Variants in FAM120C observed in about 807,000 individuals in gnomAD.
FAM120C encodes the protein family with sequence similarity 120 member C.
A neutral mutation model predicts 71.2 loss-of-function variants in FAM120C; 14 were observed. The ratio of observed to expected loss-of-function variants is 0.20; its 90% CI spans 0.13 to 0.31. The LOEUF (loss-of-function observed/expected upper bound fraction) is 0.31, where lower values mean the gene tolerates loss of function less well. FAM120C is among the 10% of genes least tolerant of loss of function. The pLI is 1.00. For synonymous variants in FAM120C, 354 were observed against 353.2 expected, an observed-to-expected ratio of 1.00 and a Z score of -0.03; for missense variants, 500 against 879.0, an observed-to-expected ratio of 0.57 and a Z score of 5.45.
intron 1 of FAM120C, chrX:54,173,963 C>T (rs1306369410): frequency 9.2e-6 from 4 of 433,292 alleles, no homozygotes. Context: ...CATCTCAAGG[C>T]TTGCCTGGGG....
chrX:54,085,726 C>T lies in FAM120C; in HGVS notation c.2828G>A (p.Arg943Gln), dbSNP rs1392865764. 5.0e-6 allele frequency: 6 copies of T among 1,208,872 alleles called. No homozygotes were observed. Among genetic ancestry groups the T allele is most frequent in the African/African-American group, 3.5e-5 (2 of 57,166 alleles). Residue 943 changes from arginine (R) to glutamine (Q), a missense_variant, in exon 13 of 16, where the codon CGG (arginine) becomes CAG (glutamine). This residue lies in a region of FAM120C where 34 missense variants were observed against 45.2 expected (regional missense o/e 0.75). Coordinates refer to ENST00000375180, the MANE Select transcript of FAM120C (RefSeq NM_017848.6). The stretch of plus-strand genomic sequence containing the variant: ...TCTTTGGTACTGACCTGCAAATCCC[C>T]GGCTCCTCCCTTGAGGGGGAAGTGG... ...SMPLPPQGRS[R>Q]GFAGLHPIPP...
chrX:54,099,268 G>A (rs1359942230), intron 10 of FAM120C, among the ~76,000 whole-genome samples: 1 of 110,584 alleles, frequency 9.0e-6, no homozygotes. Flanking sequence ...TTCACACCTC[G>A]GCCACCCAAG....
chrX:54,176,432 C>CAA (rs1197918401), intron 1 of FAM120C, among the ~76,000 whole-genome samples: 76 of 36,283 alleles, frequency 2.1e-3, no homozygotes, highest in African/African-American at 6.0e-3. Flanking sequence ...GACTCTGTCT[C>CAA]AAAAAAAAAA....
chrX:54,167,088 G>T (rs782056563), intron 1 of FAM120C, among the ~76,000 whole-genome samples: 11 of 112,082 alleles, frequency 9.8e-5, no homozygotes, highest in African/African-American at 2.9e-4. Context: ...CTAGGGTCAG[G>T]CTGGAAATCT....
At position 54,178,395 on chromosome X, in the gene FAM120C, C is replaced by T. The variant is rs782089379; in HGVS notation, c.699+4105G>A. Among the ~76,000 whole-genome samples the T allele has an allele frequency of 6.3e-5, 7 of 111,646 alleles. No individual in the cohort carries two copies. The Admixed American group carries it at 6.7e-4, about 11-fold the overall frequency. On this transcript the variant is annotated intron_variant, in intron 1 of 15. Transcript: ENST00000375180. ...ATATTGTCTAGCCAATAACAGTGTA[C>T]GATCATACACAAGAATGTATAAAAT...
chrX:54,164,301 T>A (rs1376781310), intron 1 of FAM120C, among the ~76,000 whole-genome samples: 1 of 112,362 alleles, frequency 8.9e-6, no homozygotes, highest in East Asian at 2.8e-4. Context: ...TGACTATTTT[T>A]AAGTGTACAG....
At chrX:54,082,699 G>A (rs1482863077) in intron 13 of FAM120C, among the ~76,000 whole-genome samples, 1 of 110,964 alleles carries the variant, frequency 9.0e-6, no homozygotes, top group Non-Finnish European at 1.9e-5. Flanking sequence ...ATGAGCCACC[G>A]TGCCCGGTCC....
chrX:54,136,611 T>G (rs782006216), intron 4 of FAM120C, 21 bp from the exon 5 acceptor site: 2 of 1,058,152 alleles, frequency 1.9e-6, no homozygotes, highest in South Asian at 4.1e-5. Context: ...GAACATCAGA[T>G]TTTCAGAAGA....
In FAM120C at chrX:54,160,634, T is replaced by C. The variant is rs150159154; in HGVS notation, c.700-1018A>G. Among the ~76,000 whole-genome samples, 100 of 111,916 alleles carry C rather than the reference T, an allele frequency of 8.9e-4. No individual in the cohort carries two copies. In the Middle Eastern group the frequency reaches 0.014, roughly 15 times the overall value. On this transcript the variant is annotated intron_variant, in intron 1 of 15. Coordinates refer to ENST00000375180, the MANE Select transcript of FAM120C (RefSeq NM_017848.6). ...TCCACCAAATTAAGTTCCTTGACCA[T>C]AGAGAGAAATTACCTCTGTATTCCT...
intron 2 of FAM120C, among the ~76,000 whole-genome samples, chrX:54,158,692 C>T (rs1557134004): frequency 9.0e-6 from 1 of 111,203 alleles, no homozygotes; most frequent in Non-Finnish European, 1.9e-5. Flanking sequence ...TCACTTGAAC[C>T]TGGGAGGCGG....
intron 10 of FAM120C, among the ~76,000 whole-genome samples, chrX:54,094,083 C>CA (rs2066837164): frequency 1.6e-5 from 1 of 61,460 alleles, no homozygotes; most frequent in Non-Finnish European, 2.8e-5. Context: ...TCCACGACTC[C>CA]TTTTTTTTTT....
chrX:54,091,140 G>A (rs782402221), intron 11 of FAM120C, among the ~76,000 whole-genome samples, 172 bp downstream of exon 11: 2 of 112,042 alleles, frequency 1.8e-5, no homozygotes, highest in Non-Finnish European at 3.8e-5. Context: ...TATGAGAGCA[G>A]CGTAGCAGGC....
At chrX:54,092,317 G>T (rs187671430) in intron 10 of FAM120C, among the ~76,000 whole-genome samples, 4 of 111,075 alleles carry the variant, frequency 3.6e-5, no homozygotes, top group African/African-American at 1.3e-4. Flanking sequence ...GCTGAGACGG[G>T]CAGATCACTT....
intron 15 of FAM120C, among the ~76,000 whole-genome samples, chrX:54,076,913 G>A (rs369345237): frequency 1.8e-5 from 2 of 111,225 alleles, no homozygotes; most frequent in South Asian, 3.8e-4. Context: ...CCAACATGGC[G>A]AAACCCTGTC....
At chrX:54,126,781 A>G (rs1557128019) in intron 9 of FAM120C, among the ~76,000 whole-genome samples, 3 of 113,552 alleles carry the variant, frequency 2.6e-5, no homozygotes, top group Non-Finnish European at 5.6e-5. Flanking sequence ...CAACAATGGA[A>G]TAAACCCTAC....
chrX:54,171,021 A>AAG (rs201163690), intron 1 of FAM120C, among the ~76,000 whole-genome samples: 3,105 of 111,887 alleles, frequency 0.028, 113 homozygotes, highest in African/African-American at 0.097. Flanking sequence ...AGAAATTTCT[A>AAG]AGTCTTTGAA....
At chrX:54,117,632 A>T (rs2146594075) in intron 9 of FAM120C, among the ~76,000 whole-genome samples, 1 of 108,117 alleles carries the variant, frequency 9.2e-6, no homozygotes, top group South Asian at 4.1e-4. Flanking sequence ...TGGGAGGCGG[A>T]GATTGCAGTG....
chrX:54,102,048 T>C (rs2066885194), intron 10 of FAM120C, among the ~76,000 whole-genome samples: 1 of 110,585 alleles, frequency 9.0e-6, no homozygotes, highest in Non-Finnish European at 1.9e-5. Flanking sequence ...CTTTTTTTTT[T>C]TTTAGAGCCA....
At chrX:54,136,187 A>G (rs1557130518) in intron 5 of FAM120C, among the ~76,000 whole-genome samples, 1 of 110,912 alleles carries the variant, frequency 9.0e-6, no homozygotes, top group East Asian at 2.8e-4. Context: ...TTTCATAGAG[A>G]CGGAGTTTCA....
Sources: allele counts gnomAD v4.1 joint callset (sites outside exome capture counted in the v4.1 genomes callset), GRCh38; gene constraint gnomAD v4.1.1; regional missense constraint gnomAD v4.1.1; transcripts MANE v1.5; gene names NCBI Gene and HGNC (gene_info 2026-07-23, HGNC 2026-07-21).